The following ZNF626 variants were observed in gnomAD, a reference collection of about 807,000 sequenced individuals.
The protein encoded by ZNF626 is zinc finger protein 626, also known as CTC-513N18.7.
ZNF626 carries 4 observed loss-of-function variants against 11.7 expected under a neutral mutation model. The observed-to-expected ratio is 0.34, with a 90% CI of 0.17 to 0.78. The LOEUF (loss-of-function observed/expected upper bound fraction) is 0.78. Ranked by LOEUF, ZNF626 falls within the 30% of genes least tolerant of loss-of-function variation. The pLI is 0.57. For synonymous variants in ZNF626, 179 were observed against 198.6 expected, an observed-to-expected ratio of 0.90 and a Z score of 0.83; for missense variants, 588 against 587.1, an observed-to-expected ratio of 1.00 and a Z score of -0.01.
At chr19:20,635,773 A>G (rs1183861726) in intron 3 of ZNF626, among the ~76,000 whole-genome samples, 1 of 152,200 alleles carries the variant, frequency 6.6e-6, no homozygotes, top group Non-Finnish European at 1.5e-5. Context: ...ATTAATATAG[A>G]TTCAAAAATA....
intron 3 of ZNF626, among the ~76,000 whole-genome samples, chr19:20,642,204 CTT>C (rs1310282515): frequency 6.6e-6 from 1 of 152,164 alleles, no homozygotes; most frequent in Non-Finnish European, 1.5e-5. Flanking sequence ...CAATTTATCT[CTT>C]AAGCCTCAAA....
intron 1 of ZNF626, among the ~76,000 whole-genome samples, chr19:20,652,256 C>A (rs372915693): frequency 6.6e-6 from 1 of 150,802 alleles, no homozygotes; most frequent in Non-Finnish European, 1.5e-5. Context: ...GAGATCCCCC[C>A]CATAGAGGCT....
At chr19:20,643,366 A>G (rs1489983422) in intron 3 of ZNF626, among the ~76,000 whole-genome samples, 1 of 120,432 alleles carries the variant, frequency 8.3e-6, no homozygotes, top group Non-Finnish European at 1.6e-5. Flanking sequence ...ATTAGGAAAT[A>G]AACTCATTAT....
intron 3 of ZNF626, among the ~76,000 whole-genome samples, chr19:20,635,633 T>C (rs1212368766): frequency 6.6e-6 from 1 of 152,200 alleles, no homozygotes; most frequent in Non-Finnish European, 1.5e-5. Flanking sequence ...GAAAATTTTA[T>C]TGTTAATTTT....
chr19:20,625,185 C>A lies in ZNF626; in HGVS notation c.692G>T (p.Cys231Phe). 1 of 1,613,172 alleles carries A rather than the reference C, an allele frequency of 6.2e-7. No homozygotes were observed. The highest frequency in any genetic ancestry group is 8.5e-7 in the Non-Finnish European group (1 of 1,179,914). Residue 231 changes from cysteine to phenylalanine, a missense_variant, in exon 4 of 4, where the codon TGT becomes TTT. This residue lies in a region of ZNF626 where 524 missense variants were observed against 470.1 expected (regional missense o/e 1.11). Coordinates refer to ENST00000601440, the MANE Select transcript of ZNF626 (RefSeq NM_001076675.3). ...CTTAAAGGCTTTGCCACATTCTTCACATTTGTAGGGTTTCTCTCCAGTATG... is the reference window on the plus strand; with the variant it reads ...CTTAAAGGCTTTGCCACATTCTTCAAATTTGTAGGGTTTCTCTCCAGTATG... The part of the protein sequence containing the change: ...KIHTGEKPYK[C>F]EECGKAFKHS...
At chr19:20,642,024 C>T (rs1555771520) in intron 3 of ZNF626, among the ~76,000 whole-genome samples, 1 of 151,940 alleles carries the variant, frequency 6.6e-6, no homozygotes, top group African/African-American at 2.4e-5. Flanking sequence ...ATATATTCAT[C>T]ATTAAACCCA....
intron 1 of ZNF626, among the ~76,000 whole-genome samples, chr19:20,648,631 A>C (rs868919723): frequency 6.6e-6 from 1 of 152,128 alleles, no homozygotes; most frequent in Non-Finnish European, 1.5e-5. Context: ...TCAGCCTCCC[A>C]AAGTGCTGGG....
rs1970078786 is a variant in ZNF626 at position 20,646,399 on chromosome 19, A to G, written c.10T>C (p.Leu4=). 6.2e-7 allele frequency: 1 copy of G among 1,613,896 alleles called. No homozygotes were observed. The highest frequency in any genetic ancestry group is 8.5e-7 in the Non-Finnish European group (1 of 1,179,928). The part of the protein sequence containing the change: MGP[L]QFRDVAIEFS... ...TCTATGGCCACATCTCTAAATTGCA[A>G]TGGTCCCTGAAAAACACACACACAC... The change falls in exon 2 of 4, where the codon TTG becomes CTG. Residue 4 remains leucine, a synonymous_variant. Coordinates refer to ENST00000601440, the MANE Select transcript of ZNF626 (RefSeq NM_001076675.3).
Position 20,620,211 on chromosome 19 carries a change from G to A in ZNF626, c.*4079C>T, listed in dbSNP as rs1411728047. ...TGTGCTTTAATACACGGATTCTGGGGAGAATCCGAGCCATAAGCCATAAAA... is the reference window on the plus strand; with the variant it reads ...TGTGCTTTAATACACGGATTCTGGGAAGAATCCGAGCCATAAGCCATAAAA... On this transcript the variant is annotated 3_prime_UTR_variant, in exon 4 of 4. Coordinates refer to ENST00000601440, the MANE Select transcript of ZNF626 (RefSeq NM_001076675.3). The A allele has an allele frequency of 1.3e-5, 2 of 152,172 alleles. No individual in the cohort carries two copies. Among genetic ancestry groups the A allele is most frequent in the East Asian group, 1.9e-4 (1 of 5,162 alleles). The allele number at this position is 152,172 out of a possible 1,614,324, so 9.4% of individuals were successfully genotyped here. A position where few individuals can be genotyped will look rare whatever the true frequency, so the allele number is the denominator to read the frequency against.
intron 1 of ZNF626, 114 bp downstream of exon 1, chr19:20,661,330 G>A: frequency 2.2e-6 from 3 of 1,386,236 alleles, no homozygotes; most frequent in Non-Finnish European, 3.1e-6. Context: ...AAGGAGAACT[G>A]GGGGAGCAGA....
In ZNF626 at chr19:20,652,049, G is replaced by A. The variant is rs1270896514; in HGVS notation, c.4-5644C>T. On this transcript the variant is annotated intron_variant, in intron 1 of 3. Coordinates refer to ENST00000601440, the MANE Select transcript of ZNF626 (RefSeq NM_001076675.3). ...TCTCACAGAACCACACTCCCAAATG[G>A]GAGCTGTAAGCTGTCTAGGTTGACA... Among the ~76,000 whole-genome samples the A allele has an allele frequency of 2.1e-4, 32 of 152,216 alleles. 1 individual carries two copies. The highest frequency in any genetic ancestry group is 1.9e-3 in the Admixed American group (29 of 15,270).
chr19:20,635,031 G>A (rs906339864), intron 3 of ZNF626, among the ~76,000 whole-genome samples: 3 of 152,144 alleles, frequency 2.0e-5, no homozygotes, highest in African/African-American at 7.2e-5. Context: ...CATTCAGTAG[G>A]TAGAAAAATA....
chr19:20,626,663 C>T (rs936112982), intron 3 of ZNF626, among the ~76,000 whole-genome samples: 36 of 152,116 alleles, frequency 2.4e-4, no homozygotes, highest in African/African-American at 8.0e-4. Context: ...GGGACAGTTG[C>T]AGTGAGTGAA....
Position 20,620,189 on chromosome 19 carries a change from G to A in ZNF626, c.*4101C>T, listed in dbSNP as rs949203838. On this transcript the variant is annotated 3_prime_UTR_variant, in exon 4 of 4. Coordinates refer to ENST00000601440, the MANE Select transcript of ZNF626 (RefSeq NM_001076675.3). ...TATTTCTGGAGACAAAGTTGCCTGT[G>A]CTTTAATACACGGATTCTGGGGAGA... 6.6e-6 allele frequency: 1 copy of A among 152,044 alleles called. No homozygotes were observed. Among genetic ancestry groups the A allele is most frequent in the Non-Finnish European group, 1.5e-5 (1 of 68,004 alleles). The allele number at this position is 152,044 out of a possible 1,614,324, so 9.4% of individuals were successfully genotyped here.
intron 3 of ZNF626, among the ~76,000 whole-genome samples, chr19:20,628,381 T>C (rs1555770027): frequency 6.6e-6 from 1 of 152,088 alleles, no homozygotes; most frequent in African/African-American, 2.4e-5. Context: ...GTTGAACTAG[T>C]TTACAGTCCC....
chr19:20,631,024 A>C (rs1199500084), intron 3 of ZNF626, among the ~76,000 whole-genome samples: 3 of 151,722 alleles, frequency 2.0e-5, no homozygotes, highest in East Asian at 3.9e-4. Context: ...CCTTCATTTC[A>C]TTATTTACCC....
At chr19:20,639,532 G>A (rs1267173586) in intron 3 of ZNF626, among the ~76,000 whole-genome samples, 1 of 152,176 alleles carries the variant, frequency 6.6e-6, no homozygotes, top group Non-Finnish European at 1.5e-5. Context: ...GGTGCCAAAA[G>A]TTTAAGACCA....
chr19:20,645,616 G>C, intron 3 of ZNF626, 68 bp downstream of exon 3: 3 of 1,571,636 alleles, frequency 1.9e-6, no homozygotes, highest in South Asian at 2.4e-5. Context: ...TTTAAGGACT[G>C]GCTTTCTCTT....
Position 20,624,114 on chromosome 19 carries a change from A to T in ZNF626, c.*176T>A. 9.4e-7 allele frequency: 1 copy of T among 1,064,884 alleles called. No individual in the cohort carries two copies. The highest frequency in any genetic ancestry group is 1.5e-6 in the Non-Finnish European group (1 of 683,204). The allele number at this position is 1,064,884 out of a possible 1,614,324, so 66.0% of individuals were successfully genotyped here. On this transcript the variant is annotated 3_prime_UTR_variant, in exon 4 of 4. Transcript: ENST00000601440. ...ATTCACATCTGTAGGGTTTCTCTCC[A>T]GTATGAAATCTCTTATGTGTAGTAA...
Sources: allele counts gnomAD v4.1 joint callset (sites outside exome capture counted in the v4.1 genomes callset), GRCh38; gene constraint gnomAD v4.1.1; regional missense constraint gnomAD v4.1.1; transcripts MANE v1.5; gene names NCBI Gene and HGNC (gene_info 2026-07-23, HGNC 2026-07-21).